Variants in NTN1 observed in about 807,000 individuals in gnomAD.
The protein encoded by NTN1 is netrin 1, also known as netrin-1.
NTN1 carries 11 observed loss-of-function variants against 54.2 expected under a neutral mutation model. That is an observed-to-expected ratio of 0.20 (90% CI 0.13 to 0.34). NTN1 has a LOEUF of 0.34. NTN1 is among the 10% of genes least tolerant of loss of function. The probability of loss-of-function intolerance (pLI) is 1.00; values close to 1 mark genes in which losing one functional copy is unlikely to be tolerated. For synonymous variants in NTN1, 371 were observed against 382.0 expected (o/e 0.97, Z 0.33); for missense variants, 740 against 893.1 (o/e 0.83, Z 2.18).
intron 6 of NTN1, among the ~76,000 whole-genome samples, chr17:9,228,930 CTG>C (rs1477975977): frequency 4.3e-5 from 3 of 69,416 alleles, no homozygotes; most frequent in African/African-American, 6.8e-5. Context: ...GCGTGTGTGA[CTG>C]GGTGTGTGGC....
At chr17:9,114,595 A>G (rs113808370) in intron 2 of NTN1, among the ~76,000 whole-genome samples, 1 of 151,982 alleles carries the variant, frequency 6.6e-6, no homozygotes, top group Admixed American at 6.5e-5. Context: ...TCTACTAAAA[A>G]TACAAACATT....
chr17:9,074,444 A>C (rs988650402), intron 2 of NTN1, among the ~76,000 whole-genome samples: 1 of 152,168 alleles, frequency 6.6e-6, no homozygotes, highest in Non-Finnish European at 1.5e-5. Flanking sequence ...TGAGTGTGCA[A>C]ATCAGTGGAA....
chr17:9,071,337 C>T (rs573046614), intron 2 of NTN1, among the ~76,000 whole-genome samples: 12 of 152,238 alleles, frequency 7.9e-5, no homozygotes, highest in South Asian at 6.3e-4. Flanking sequence ...GCTCCTGACA[C>T]GGTCCACAGC....
intron 5 of NTN1, chr17:9,183,818 A>AAGAAATGTTGCAT (rs2092425923): frequency 6.1e-6 from 1 of 163,554 alleles, no homozygotes; most frequent in South Asian, 1.6e-4. Context: ...TCCTTGGCAC[A>AAGAAATGTTGCAT]AGAAATGTTG....
intron 6 of NTN1, among the ~76,000 whole-genome samples, chr17:9,234,610 T>C (rs533621585): frequency 6.6e-6 from 1 of 152,356 alleles, no homozygotes; most frequent in East Asian, 1.9e-4. Flanking sequence ...ACCCTGGTTT[T>C]GTCTGCACTG....
At chr17:9,034,202 G>A (rs1419786686) in intron 2 of NTN1, among the ~76,000 whole-genome samples, 1 of 152,112 alleles carries the variant, frequency 6.6e-6, no homozygotes. Flanking sequence ...TGGATAGGGT[G>A]GGGAGTGTGA....
rs1370732731 is a variant in NTN1, at chr17:9,078,928, A to G, written c.1018+55537A>G. Among the ~76,000 whole-genome samples, 8 of 152,256 alleles carry G rather than the reference A, an allele frequency of 5.3e-5. No individual in the cohort carries two copies. The South Asian group carries it at 6.2e-4, about 12-fold the overall frequency. On this transcript the variant is annotated intron_variant, in intron 2 of 6. Transcript: ENST00000173229. ...ACTTTGAACCCATTCTTTGAAGAAC[A>G]TAGAAGCTGATTTAGGAACTCTGGA...
At chr17:9,163,533 G>C (rs2092365207) in intron 3 of NTN1, among the ~76,000 whole-genome samples, 1 of 151,226 alleles carries the variant, frequency 6.6e-6, no homozygotes, top group Non-Finnish European at 1.5e-5. Flanking sequence ...TACAGTCACA[G>C]CGGAGTCGGC....
intron 2 of NTN1, among the ~76,000 whole-genome samples, chr17:9,137,270 T>TC (rs1419048004): frequency 6.6e-6 from 1 of 152,150 alleles, no homozygotes; most frequent in Non-Finnish European, 1.5e-5. Context: ...CGACCATGTC[T>TC]CCTGTTTGTT....
At chr17:9,191,968 C>G (rs1465297056) in intron 5 of NTN1, among the ~76,000 whole-genome samples, 3 of 145,646 alleles carry the variant, frequency 2.1e-5, no homozygotes, top group Non-Finnish European at 3.0e-5. Context: ...GAGCGAGACC[C>G]TGTCTCAAAA....
At chr17:9,035,976 G>A (rs1192758890) in intron 2 of NTN1, among the ~76,000 whole-genome samples, 2 of 152,076 alleles carry the variant, frequency 1.3e-5, no homozygotes, top group African/African-American at 2.4e-5. Flanking sequence ...GAGCCAAGAT[G>A]GTGCCACTGC....
At chr17:9,217,174 A>T (rs1004353945) in intron 5 of NTN1, among the ~76,000 whole-genome samples, 2 of 151,686 alleles carry the variant, frequency 1.3e-5, no homozygotes, top group African/African-American at 2.4e-5. Context: ...CTTCCTGCTT[A>T]TTTGTTCTCT....
At chr17:9,095,236 G>T (rs907489099) in intron 2 of NTN1, among the ~76,000 whole-genome samples, 1 of 152,116 alleles carries the variant, frequency 6.6e-6, no homozygotes, top group Non-Finnish European at 1.5e-5. Flanking sequence ...CCCCAAGTTT[G>T]TCCCTTGCCT....
At chr17:9,133,750 G>C (rs2092272681) in intron 2 of NTN1, among the ~76,000 whole-genome samples, 1 of 107,492 alleles carries the variant, frequency 9.3e-6, no homozygotes, top group African/African-American at 4.2e-5. Context: ...ACCATGCCCA[G>C]CTAATTTTTT....
chr17:9,122,790 A>G (rs760720959), intron 2 of NTN1, among the ~76,000 whole-genome samples: 12 of 152,218 alleles, frequency 7.9e-5, no homozygotes, highest in Non-Finnish European at 1.3e-4. Flanking sequence ...CTATTTGCGT[A>G]TGTTTCCACT....
At chr17:9,109,939 T>C (rs1426112392) in intron 2 of NTN1, among the ~76,000 whole-genome samples, 1 of 152,236 alleles carries the variant, frequency 6.6e-6, no homozygotes, top group East Asian at 1.9e-4. Context: ...TATTCATAGC[T>C]AGTGTGTGTC....
intron 2 of NTN1, among the ~76,000 whole-genome samples, chr17:9,046,328 A>G (rs2091941281): frequency 6.6e-6 from 1 of 152,218 alleles, no homozygotes; most frequent in South Asian, 2.1e-4. Context: ...ACTATAAATC[A>G]AAACCACAAT....
intron 2 of NTN1, among the ~76,000 whole-genome samples, chr17:9,038,033 G>A (rs374755905): frequency 3.6e-4 from 55 of 152,224 alleles, no homozygotes; most frequent in African/African-American, 1.3e-3. Context: ...CTGTTAGTGG[G>A]TACACAGCTT....
At position 9,179,870 on chromosome 17, in the gene NTN1, C is replaced by G; in HGVS notation, c.1271C>G (p.Pro424Arg). Residue 424 changes from proline (P) to arginine (R), a missense_variant, in exon 4 of 7, where the codon CCC becomes CGC. By Grantham distance (103) the Pro-to-Arg change is moderately radical. Transcript: ENST00000173229. Reference sequence around the variant, plus strand: ...TGCAACCAAACCACCGGCCAGTGTCCCTGCAAGGACGGCGTGACGGGTATC... The same window carrying G: ...TGCAACCAAACCACCGGCCAGTGTCGCTGCAAGGACGGCGTGACGGGTATC... ...KTCNQTTGQC[P>R]CKDGVTGITC... 1 of 1,614,126 alleles carries G rather than the reference C, an allele frequency of 6.2e-7. No homozygotes were observed. Among genetic ancestry groups the G allele is most frequent in the Non-Finnish European group, 8.5e-7 (1 of 1,180,034 alleles).
Sources: gnomAD v4.1 joint callset for allele counts (sites outside exome capture counted in the v4.1 genomes callset) on GRCh38, gnomAD v4.1.1 for gene constraint, MANE v1.5 for transcripts, NCBI Gene and HGNC (gene_info 2026-07-23, HGNC 2026-07-21) for gene names.